The following PTPDC1 variants were observed in gnomAD, a reference collection of about 807,000 sequenced individuals.
The protein encoded by PTPDC1 is protein tyrosine phosphatase domain containing 1.
PTPDC1 carries 53 observed loss-of-function variants against 75.3 expected under a neutral mutation model. The observed-to-expected ratio is 0.70, with a 90% confidence interval of 0.56 to 0.88. The LOEUF (loss-of-function observed/expected upper bound fraction) is 0.88. Ranked by LOEUF, PTPDC1 falls within the 40% of genes least tolerant of loss-of-function variation. The pLI, the probability that PTPDC1 is intolerant of heterozygous loss-of-function variation, is 0.00. For missense variants in PTPDC1, 925 were observed against 998.6 expected (o/e 0.93, Z 0.99); for synonymous variants, 349 against 366.2 (o/e 0.95, Z 0.54).
chr9:94,097,558 A>T lies in PTPDC1; in HGVS notation c.992A>T (p.Tyr331Phe). 6.2e-7 allele frequency: 1 copy of T among 1,614,078 alleles called. No homozygotes were observed. The highest frequency in any genetic ancestry group is 8.5e-7 in the Non-Finnish European group (1 of 1,180,040). The change falls in exon 6 of 9, where the codon TAT becomes TTT. Residue 331 changes from tyrosine to phenylalanine, a missense_variant. Coordinates refer to ENST00000620992, the MANE Select transcript of PTPDC1 (RefSeq NM_001253829.2). The part of the protein sequence containing the change: ...LIRQRHLLHG[Y>F]EARLLKHVPK... Reference sequence around the variant, plus strand: ...CGCCAGCGTCATCTGCTTCATGGTTATGAGGCACGACTTCTGAAACACGTG... The same window carrying T: ...CGCCAGCGTCATCTGCTTCATGGTTTTGAGGCACGACTTCTGAAACACGTG...
chr9:94,080,779 A>G (rs2117951096), upstream of PTPDC1, among the ~76,000 whole-genome samples: 1 of 152,338 alleles, frequency 6.6e-6, no homozygotes, highest in East Asian at 1.9e-4. Context: ...TTTTACTGTA[A>G]GGAACATTTT....
upstream of PTPDC1, among the ~76,000 whole-genome samples, chr9:94,080,627 C>T (rs370810112): frequency 6.6e-6 from 1 of 152,170 alleles, no homozygotes; most frequent in East Asian, 1.9e-4. Flanking sequence ...AAACTGCATG[C>T]CCAAATTGAG....
intron 2 of PTPDC1, among the ~76,000 whole-genome samples, chr9:94,074,796 A>G (rs112864351): frequency 2.5e-4 from 38 of 152,148 alleles, no homozygotes; most frequent in Admixed American, 1.9e-3. Context: ...CTTTCCTCCT[A>G]CTGCACTGTT....
intron 1 of PTPDC1, among the ~76,000 whole-genome samples, chr9:94,036,694 A>G (rs1445355531): frequency 1.3e-5 from 2 of 152,230 alleles, no homozygotes; most frequent in Non-Finnish European, 2.9e-5. Flanking sequence ...ATGAGTAAGT[A>G]TCAATCTCTG....
intron 1 of PTPDC1, among the ~76,000 whole-genome samples, chr9:94,061,251 G>C (rs754478573): frequency 1.3e-5 from 2 of 152,160 alleles, no homozygotes; most frequent in African/African-American, 4.8e-5. Flanking sequence ...TGATGCAAAG[G>C]GTGGGCTCCC....
At chr9:94,104,455 A>T (rs1219323379) in intron 8 of PTPDC1, 70 bp downstream of exon 8, 3 of 996,924 alleles carry the variant, frequency 3.0e-6, no homozygotes, top group African/African-American at 3.2e-5. Context: ...CAGAATCCAG[A>T]GGTCACCGTC....
intron 4 of PTPDC1, among the ~76,000 whole-genome samples, chr9:94,089,210 C>T (rs995126866): frequency 7.2e-6 from 1 of 138,652 alleles, no homozygotes; most frequent in Admixed American, 7.1e-5. Context: ...GGTATATCTC[C>T]CAATGCTATC....
At position 94,091,250 on chromosome 9, in the gene PTPDC1, C is replaced by T. The variant is rs866859505; in HGVS notation, c.616+2987C>T. 1.8e-4 allele frequency among the ~76,000 whole-genome samples: 27 copies of T among 152,174 alleles called. 1 individual carries two copies. The highest frequency in any genetic ancestry group is 1.0e-3 in the South Asian group (5 of 4,820). ...AGATAGCTCTTATTATTTTGAAATA[C>T]GTCCCATCAATGCCTAATTTATTGA... is the stretch of plus-strand genomic sequence containing the variant. On this transcript the variant is annotated intron_variant, in intron 4 of 8. Transcript: ENST00000620992.
chr9:94,052,861 G>C (rs1385594880), intron 1 of PTPDC1, among the ~76,000 whole-genome samples: 1 of 152,110 alleles, frequency 6.6e-6, no homozygotes, highest in African/African-American at 2.4e-5. Context: ...CTTTTGTTGA[G>C]CTTCGAAGTG....
At chr9:94,033,614 TTA>T (rs1282640134) in intron 1 of PTPDC1, among the ~76,000 whole-genome samples, 1 of 152,192 alleles carries the variant, frequency 6.6e-6, no homozygotes, top group Non-Finnish European at 1.5e-5. Flanking sequence ...GTTGTGACAT[TTA>T]TATGAGACAG....
At chr9:94,094,112 C>T (rs7861109) in intron 4 of PTPDC1, among the ~76,000 whole-genome samples, 8,063 of 152,256 alleles carry the variant, frequency 0.053, 667 homozygotes, top group African/African-American at 0.18. Flanking sequence ...AGCTTTGTTC[C>T]GTTGCTGGTG....
At chr9:94,094,331 T>A (rs1827448858) in intron 4 of PTPDC1, among the ~76,000 whole-genome samples, 1 of 129,928 alleles carries the variant, frequency 7.7e-6, no homozygotes, top group Non-Finnish European at 1.6e-5. Context: ...TCTGTTGGAA[T>A]ACCCTGCCGT....
intron 1 of PTPDC1, among the ~76,000 whole-genome samples, chr9:94,053,762 T>C (rs74544995): frequency 0.021 from 3,146 of 152,266 alleles, 108 homozygotes; most frequent in African/African-American, 0.072. Flanking sequence ...ATCTGTCACA[T>C]AGAAAATGGG....
At chr9:94,040,791 T>C (rs1357119705) in intron 1 of PTPDC1, among the ~76,000 whole-genome samples, 1 of 152,214 alleles carries the variant, frequency 6.6e-6, no homozygotes, top group East Asian at 1.9e-4. Flanking sequence ...GATAATGTTC[T>C]GCAGCTAATG....
chr9:94,106,995 C>T (rs190856673), intron 8 of PTPDC1, among the ~76,000 whole-genome samples: 22 of 152,198 alleles, frequency 1.4e-4, no homozygotes, highest in African/African-American at 5.1e-4. Flanking sequence ...ACTCTGTCAC[C>T]CAGTCTGGAG....
Position 94,084,635 on chromosome 9 carries a change from G to A in PTPDC1, c.105G>A (p.Gln35=). 1 of 1,613,340 alleles carries A rather than the reference G, an allele frequency of 6.2e-7. No homozygotes were observed. The highest frequency in any genetic ancestry group is 8.5e-7 in the Non-Finnish European group (1 of 1,179,728). ...HSTSDPVLRL[Q]QARRGSGLGS... Reference sequence around the variant, plus strand: ...CCTCAGACCCAGTACTGCGGCTGCAGCAGGCCCGGCGGGGCTCTGGCTTGG... The same window carrying A: ...CCTCAGACCCAGTACTGCGGCTGCAACAGGCCCGGCGGGGCTCTGGCTTGG... Residue 35 remains glutamine, a synonymous_variant, in exon 1 of 9, where the codon CAG becomes CAA. Transcript: ENST00000620992.
chr9:94,067,926 T>C (rs1290785987), intron 2 of PTPDC1, among the ~76,000 whole-genome samples: 1 of 152,190 alleles, frequency 6.6e-6, no homozygotes, highest in East Asian at 1.9e-4. Context: ...AACTTGGGCT[T>C]CCCTCTGTCT....
Position 94,105,323 on chromosome 9 carries a change from C to G in PTPDC1, c.2310+938C>G, listed in dbSNP as rs180772477. 5.9e-5 allele frequency among the ~76,000 whole-genome samples: 9 copies of G among 152,298 alleles called. No individual in the cohort carries two copies. The East Asian group carries it at 1.7e-3, about 29-fold the overall frequency. On this transcript the variant is annotated intron_variant, in intron 8 of 8. Transcript: ENST00000620992. ...TCCTTTACATCTGTATTTACACTTT[C>G]ATAGACTGAGAGGCTACCCACCATG... is the stretch of plus-strand genomic sequence containing the variant.
intron 1 of PTPDC1, chr9:94,038,177 A>G (rs778663351): frequency 2.4e-5 from 17 of 699,924 alleles, no homozygotes; most frequent in Middle Eastern, 2.5e-4. Context: ...ATTCTCTTAC[A>G]CAGACGCCAA....
Sources: gnomAD v4.1 joint callset for allele counts (sites outside exome capture counted in the v4.1 genomes callset) on GRCh38, gnomAD v4.1.1 for gene constraint, MANE v1.5 for transcripts, NCBI Gene and HGNC (gene_info 2026-07-23, HGNC 2026-07-21) for gene names.